Variants in NKAIN2 observed in about 807,000 individuals in gnomAD.
The protein encoded by NKAIN2 is sodium/potassium-transporting ATPase subunit beta-1-interacting protein 2.
In NKAIN2, 14 loss-of-function variants were observed where a neutral mutation model predicts 32.6. That is an observed-to-expected ratio of 0.43 (90% CI 0.28 to 0.67). The LOEUF (loss-of-function observed/expected upper bound fraction) is 0.67. NKAIN2 is among the 30% of genes least tolerant of loss of function. The probability of loss-of-function intolerance (pLI) is 0.17; values close to 1 mark genes in which losing one functional copy is unlikely to be tolerated. For missense variants in NKAIN2, 198 were observed against 258.3 expected (o/e 0.77, Z 1.60); for synonymous variants, 80 against 87.2 (o/e 0.92, Z 0.46).
At chr6:124,743,684 T>A (rs925682772) in intron 4 of NKAIN2, among the ~76,000 whole-genome samples, 6 of 151,942 alleles carry the variant, frequency 3.9e-5, no homozygotes, top group Non-Finnish European at 7.4e-5. Context: ...ATAAATTCCA[T>A]GACCTTTATA....
chr6:123,865,712 A>G (rs548644229), intron 1 of NKAIN2, among the ~76,000 whole-genome samples: 8 of 152,312 alleles, frequency 5.3e-5, no homozygotes, highest in Non-Finnish European at 1.0e-4. Flanking sequence ...CCCCTCAGGG[A>G]CCATGTGGTT....
At chr6:124,660,593 C>G (rs1309508446) in intron 4 of NKAIN2, among the ~76,000 whole-genome samples, 6 of 152,178 alleles carry the variant, frequency 3.9e-5, no homozygotes, top group Non-Finnish European at 2.9e-5. Flanking sequence ...GCATTCCCCC[C>G]AGTGGAGTGA....
chr6:123,811,109 C>G (rs1226941150), intron 1 of NKAIN2, among the ~76,000 whole-genome samples: 1 of 152,110 alleles, frequency 6.6e-6, no homozygotes, highest in Non-Finnish European at 1.5e-5. Context: ...GAAAGTGAAC[C>G]TGTTTTTGAA....
At chr6:124,440,645 G>A (rs1775648918) in intron 3 of NKAIN2, among the ~76,000 whole-genome samples, 1 of 152,056 alleles carries the variant, frequency 6.6e-6, no homozygotes, top group Admixed American at 6.6e-5. Context: ...CCACTGTGTA[G>A]TATCAGTTTC....
intron 1 of NKAIN2, among the ~76,000 whole-genome samples, chr6:123,939,823 G>T (rs1044766239): frequency 1.3e-5 from 2 of 151,656 alleles, no homozygotes; most frequent in Non-Finnish European, 2.9e-5. Context: ...TCCAGTTATT[G>T]CAAGTGTGTG....
intron 4 of NKAIN2, among the ~76,000 whole-genome samples, chr6:124,709,672 G>A (rs1406961115): frequency 2.6e-5 from 4 of 151,140 alleles, no homozygotes; most frequent in South Asian, 4.2e-4. Context: ...ATTTCTGTGG[G>A]ATCGGTGGTG....
At chr6:124,673,253 A>T (rs1481330443) in intron 4 of NKAIN2, among the ~76,000 whole-genome samples, 1 of 152,030 alleles carries the variant, frequency 6.6e-6, no homozygotes, top group Non-Finnish European at 1.5e-5. Context: ...ACATTCCATG[A>T]TATGTATATA....
In NKAIN2 at chr6:124,781,955, T is replaced by G. The variant is rs184363315; in HGVS notation, c.475-9384T>G. ...ATTTTATTCCCCTGGAGGGTTCTTTTTCTTTTCCTACCTTCACTCCCATTC... is the reference window on the plus strand; with the variant it reads ...ATTTTATTCCCCTGGAGGGTTCTTTGTCTTTTCCTACCTTCACTCCCATTC... On this transcript the variant is annotated intron_variant, in intron 4 of 6. Coordinates refer to ENST00000368417, the MANE Select transcript of NKAIN2 (RefSeq NM_001040214.3). Among the ~76,000 whole-genome samples the G allele has an allele frequency of 1.1e-3, 167 of 152,288 alleles. 2 individuals carry two copies. Among genetic ancestry groups the G allele is most frequent in the African/African-American group, 3.7e-3 (152 of 41,580 alleles).
intron 1 of NKAIN2, among the ~76,000 whole-genome samples, chr6:123,960,385 G>A (rs1777790608): frequency 6.6e-6 from 1 of 152,094 alleles, no homozygotes; most frequent in Non-Finnish European, 1.5e-5. Flanking sequence ...TTTTCTCTAT[G>A]TTCTCTCCAG....
At position 123,814,055 on chromosome 6, in the gene NKAIN2, A is replaced by G. The variant is rs190775244; in HGVS notation, c.54+9801A>G. ...AATGTGGTTCCATTTTATTCACCCA[A>G]AAGATAGTAAATTACAGCTGTTCAG... On this transcript the variant is annotated intron_variant, in intron 1 of 6. Coordinates refer to ENST00000368417, the MANE Select transcript of NKAIN2 (RefSeq NM_001040214.3). Among the ~76,000 whole-genome samples the G allele has an allele frequency of 1.8e-3, 274 of 152,198 alleles. 1 individual carries two copies. Among genetic ancestry groups the G allele is most frequent in the African/African-American group, 5.2e-3 (216 of 41,542 alleles).
At position 124,823,363 on chromosome 6, in the gene NKAIN2, C is replaced by G. The variant is rs1781469376; in HGVS notation, c.*134C>G. ...CGTATTAACAAAACAAATGCAAAGC[C>G]TCTACATACAACACTGACACACACA... On this transcript the variant is annotated 3_prime_UTR_variant, in exon 7 of 7. Coordinates refer to ENST00000368417, the MANE Select transcript of NKAIN2 (RefSeq NM_001040214.3). 2.8e-6 allele frequency: 2 copies of G among 727,214 alleles called. No individual in the cohort carries two copies. The highest frequency in any genetic ancestry group is 5.0e-6 in the Non-Finnish European group (2 of 401,210). The allele number at this position is 727,214 out of a possible 1,614,324, so 45.0% of individuals were successfully genotyped here. A position where few individuals can be genotyped will look rare whatever the true frequency, so the allele number is the denominator to read the frequency against.
intron 1 of NKAIN2, among the ~76,000 whole-genome samples, chr6:124,172,071 C>CA (rs1788921210): frequency 1.3e-5 from 2 of 152,290 alleles, no homozygotes; most frequent in South Asian, 4.2e-4. Context: ...CTCGGCCTCC[C>CA]AAAGTGCTGG....
intron 1 of NKAIN2, among the ~76,000 whole-genome samples, chr6:124,168,697 C>G (rs956129113): frequency 1.1e-4 from 17 of 152,038 alleles, no homozygotes; most frequent in African/African-American, 2.9e-4. Flanking sequence ...GAAATTAGCT[C>G]TAATACCAAC....
At chr6:123,888,734 A>T (rs986494712) in intron 1 of NKAIN2, among the ~76,000 whole-genome samples, 4 of 152,134 alleles carry the variant, frequency 2.6e-5, no homozygotes, top group Admixed American at 6.5e-5. Context: ...GCGGCCAAAT[A>T]ATCCCTATAT....
intron 1 of NKAIN2, among the ~76,000 whole-genome samples, chr6:123,878,387 A>G (rs1308951088): frequency 6.6e-6 from 1 of 152,030 alleles, no homozygotes; most frequent in Non-Finnish European, 1.5e-5. Context: ...CTATTCTATT[A>G]TTTTTTAAAG....
At chr6:124,644,697 T>C (rs934618958) in intron 3 of NKAIN2, among the ~76,000 whole-genome samples, 1 of 152,094 alleles carries the variant, frequency 6.6e-6, no homozygotes, top group African/African-American at 2.4e-5. Context: ...TGAGCCACCA[T>C]GCCCAGCTTG....
chr6:123,978,205 G>C (rs1467047346), intron 1 of NKAIN2, among the ~76,000 whole-genome samples: 1 of 151,762 alleles, frequency 6.6e-6, no homozygotes, highest in African/African-American at 2.4e-5. Context: ...GTTGGACTCT[G>C]TTAGTTTTCT....
intron 3 of NKAIN2, among the ~76,000 whole-genome samples, chr6:124,595,243 G>A (rs1424308001): frequency 6.6e-6 from 1 of 152,106 alleles, no homozygotes; most frequent in Non-Finnish European, 1.5e-5. Flanking sequence ...GTCTTGCCTA[G>A]ATGCTGATCT....
intron 3 of NKAIN2, among the ~76,000 whole-genome samples, chr6:124,620,686 T>C (rs1418897638): frequency 6.6e-6 from 1 of 152,232 alleles, no homozygotes; most frequent in East Asian, 1.9e-4. Flanking sequence ...CTGTCTCATA[T>C]GGAACACTAA....
Sources: allele counts gnomAD v4.1 joint callset (sites outside exome capture counted in the v4.1 genomes callset), GRCh38; gene constraint gnomAD v4.1.1; transcripts MANE v1.5; gene names NCBI Gene and HGNC (gene_info 2026-07-23, HGNC 2026-07-21).